KIF1A: variants seen among roughly 807,000 people sequenced by gnomAD.
KIF1A encodes kinesin-like protein KIF1A.
In KIF1A, 46 loss-of-function variants were observed where a neutral mutation model predicts 227.3. That is an observed-to-expected ratio of 0.20 (90% confidence interval 0.16 to 0.26). KIF1A has a LOEUF of 0.26. Among genes scored for constraint, KIF1A ranks in the 10% least tolerant of loss-of-function variants. The pLI, the probability that KIF1A is intolerant of heterozygous loss-of-function variation, is 1.00. For missense variants in KIF1A, 1,683 were observed against 2,485.9 expected (o/e 0.68, Z 6.87); for synonymous variants, 1,022 against 1,012.8 (o/e 1.01, Z -0.17).
chr2:240,731,427 C>T (rs2046585561), intron 38 of KIF1A, among the ~76,000 whole-genome samples: 1 of 152,218 alleles, frequency 6.6e-6, no homozygotes, highest in Non-Finnish European at 1.5e-5. Context: ...CGCTGGGCTG[C>T]AGCCGCTGAC....
In KIF1A at chr2:240,769,274, C is replaced by T. The variant is rs1041367163; in HGVS notation, c.1422-66G>A. On this transcript the variant is annotated intron_variant, in intron 16 of 48. Coordinates refer to ENST00000498729, the MANE Select transcript of KIF1A (RefSeq NM_001244008.2). ...CTTCCAGCACTGGCCTCAGCCCTGG[C>T]TGACCAATGGGGGCAGCGGGCCTGT... 5.6e-6 allele frequency: 8 copies of T among 1,431,930 alleles called. No homozygotes were observed. In the African/African-American group the frequency reaches 7.0e-5, roughly 13 times the overall value. The allele number at this position is 1,431,930 out of a possible 1,614,324, so 88.7% of individuals were successfully genotyped here.
intron 38 of KIF1A, among the ~76,000 whole-genome samples, chr2:240,735,405 G>A (rs181067226): frequency 3.9e-4 from 60 of 152,256 alleles, no homozygotes; most frequent in East Asian, 5.8e-4. Context: ...TCCCTCCTAC[G>A]TCACCCATGG....
Position 240,789,856 on chromosome 2 carries a change from C to T in KIF1A, c.107-544G>A, listed in dbSNP as rs868621525. The stretch of plus-strand genomic sequence containing the variant: ...CTGCCAGAGTCCCTCCTCCCCCTCC[C>T]TCCTCCACCCAACTTCAAGCCCAGT... On this transcript the variant is annotated intron_variant, in intron 2 of 48. Coordinates refer to ENST00000498729, the MANE Select transcript of KIF1A (RefSeq NM_001244008.2). This position sits in a 1 kb window ranked among gnomAD's most constrained non-coding sequence, Gnocchi z 4.8. Among the ~76,000 whole-genome samples the T allele has an allele frequency of 1.1e-4, 17 of 152,202 alleles. No homozygotes were observed. Among genetic ancestry groups the T allele is most frequent in the African/African-American group, 3.9e-4 (16 of 41,448 alleles).
chr2:240,758,263 G>T lies in KIF1A; in HGVS notation c.2582+97C>A. On this transcript the variant is annotated intron_variant, in intron 26 of 48. Transcript: ENST00000498729. This position sits in a 1 kb window ranked among gnomAD's most constrained non-coding sequence, Gnocchi z 5.2. ...ATGGGGCTGGAAAAGCACTTGTCAG[G>T]GCCGCTCCTTGTATCAGGCCAGGGC... 1 of 1,389,802 alleles carries T rather than the reference G, an allele frequency of 7.2e-7. No individual in the cohort carries two copies. Among genetic ancestry groups the T allele is most frequent in the Non-Finnish European group, 9.7e-7 (1 of 1,033,324 alleles). 86.1% of individuals were successfully genotyped at this position (1,389,802 alleles called of 1,614,324 possible).
rs2045573907 is a variant in KIF1A, at chr2:240,722,887, C to T, written c.4465-231G>A. ...CCAGCCCTGCCACCTTCATGGGCAG[C>T]AAGCAAGCTGCTCCTCTCAGACACA... On this transcript the variant is annotated intron_variant, in intron 42 of 48. Transcript: ENST00000498729. Among the ~76,000 whole-genome samples, 4 of 152,214 alleles carry T rather than the reference C, an allele frequency of 2.6e-5. No individual in the cohort carries two copies. The South Asian group carries it at 8.3e-4, about 32-fold the overall frequency.
At chr2:240,767,481 G>A in intron 17 of KIF1A, 136 bp from the exon 18 acceptor site, 1 of 699,530 alleles carries the variant, frequency 1.4e-6, no homozygotes, top group East Asian at 2.7e-5. Flanking sequence ...GTGCCACCAG[G>A]CTGGTCACTC....
At chr2:240,801,667 G>T (rs2056981070) in intron 1 of KIF1A, among the ~76,000 whole-genome samples, 1 of 152,108 alleles carries the variant, frequency 6.6e-6, no homozygotes, top group Admixed American at 6.5e-5. Flanking sequence ...AGGTGATTAG[G>T]TCATGAGGGT....
In KIF1A at chr2:240,769,202, G is replaced by A. The variant is rs1485577842; in HGVS notation, c.1428C>T (p.Ala476=). ...RTEAIRMERE[A]LLAEMGVAMR... is the part of the protein sequence containing the mutation. ...TGGCCACACCCATCTCGGCCAGCAG[G>A]GCTTCCCTGGGGGAACAGAGCTGAG... Residue 476 remains alanine (A), a synonymous_variant, in exon 17 of 49, where the codon GCC becomes GCT. Transcript: ENST00000498729. The A allele has an allele frequency of 2.5e-6, 4 of 1,608,466 alleles. No individual in the cohort carries two copies. The highest frequency in any genetic ancestry group is 1.3e-5 in the African/African-American group (1 of 74,902).
intron 9 of KIF1A, 53 bp from the exon 10 acceptor site, chr2:240,782,660 G>T: frequency 6.5e-7 from 1 of 1,544,162 alleles, no homozygotes; most frequent in Non-Finnish European, 8.8e-7. Flanking sequence ...GCTGGCGCGG[G>T]CTGTGGGGGC....
chr2:240,815,165 C>A (rs1016564430), intron 1 of KIF1A, among the ~76,000 whole-genome samples: 2 of 152,198 alleles, frequency 1.3e-5, no homozygotes, highest in Non-Finnish European at 2.9e-5. Context: ...CACCAAGCAA[C>A]TGAGTACAGT....
chr2:240,743,103 C>A, intron 33 of KIF1A, 119 bp from the exon 34 acceptor site: 1 of 746,624 alleles, frequency 1.3e-6, no homozygotes, highest in Non-Finnish European at 2.1e-6. Flanking sequence ...CTCTCTTCTC[C>A]AAGACCGTCC....
intron 38 of KIF1A, chr2:240,734,651 G>A (rs976697226): frequency 8.3e-7 from 1 of 1,211,728 alleles, no homozygotes; most frequent in African/African-American, 1.6e-5. Context: ...GGGCGGTCAG[G>A]GGAGGAGCAG....
chr2:240,763,650 C>T (rs1005553966), intron 20 of KIF1A, among the ~76,000 whole-genome samples: 26 of 152,344 alleles, frequency 1.7e-4, no homozygotes, highest in African/African-American at 6.3e-4. Flanking sequence ...GCCTCCTGCC[C>T]CCAAGCCCCT....
intron 1 of KIF1A, among the ~76,000 whole-genome samples, chr2:240,802,640 G>T (rs538670233): frequency 2.4e-4 from 36 of 152,248 alleles, no homozygotes; most frequent in African/African-American, 8.7e-4. Context: ...ACATTATTTT[G>T]TTTATTTAGT....
rs1559493171 is a variant in KIF1A at position 240,742,943 on chromosome 2, G to A, written c.3626C>T (p.Pro1209Leu). The change falls in exon 34 of 49, where the codon CCA (proline) becomes CTA (leucine). Residue 1209 changes from proline to leucine, a missense_variant. Pro to Leu is a moderately conservative substitution (Grantham distance 98). Around this residue, in one of 12 missense-constraint regions of KIF1A, gnomAD observed 759 missense variants for 1,020.2 expected, o/e 0.74. Transcript: ENST00000498729. The stretch of plus-strand genomic sequence containing the variant: ...ACCCTTCCTACCTGGCTTGGACAGT[G>A]GCATGACCCGAGGGAAGTGGCGGCG... ...PSRRHFPRVM[P>L]LSKPVPATKL... 1 of 1,611,790 alleles carries A rather than the reference G, an allele frequency of 6.2e-7. No individual in the cohort carries two copies. The highest frequency in any genetic ancestry group is 8.5e-7 in the Non-Finnish European group (1 of 1,179,022).
rs1488203846 is a variant in KIF1A at position 240,726,342 on chromosome 2, G to A, written c.4122+484C>T. Among the ~76,000 whole-genome samples, 1 of 152,210 alleles carries A rather than the reference G, an allele frequency of 6.6e-6. No individual in the cohort carries two copies. The highest frequency in any genetic ancestry group is 1.9e-4 in the East Asian group (1 of 5,198). On this transcript the variant is annotated intron_variant, in intron 39 of 48. Coordinates refer to ENST00000498729, the MANE Select transcript of KIF1A (RefSeq NM_001244008.2). This position sits in a 1 kb window ranked among gnomAD's most constrained non-coding sequence, Gnocchi z 5.2. ...AAAGCACATGGAGGATGGGTGCGGT[G>A]GCTCACACCTGTAATCCCAGCACTT...
intron 4 of KIF1A, 118 bp from the exon 5 acceptor site, chr2:240,787,434 T>G (rs2055083532): frequency 1.2e-6 from 1 of 824,310 alleles, no homozygotes; most frequent in Non-Finnish European, 2.1e-6. Flanking sequence ...AGGCCCCTCT[T>G]GCACCCTCAC....
chr2:240,757,339 G>C lies in KIF1A; in HGVS notation c.2838C>G (p.Pro946=), dbSNP rs758316163. The change falls in exon 27 of 49, where the codon CCC becomes CCG. Residue 946 remains proline (P), a synonymous_variant. Transcript: ENST00000498729. The surrounding 1 kb of genome is among the most constrained non-coding windows in gnomAD (Gnocchi z 6.2). ...CCAACCTTCCTACTAAACTGAACAG[G>C]GGGGGCCGGTCGTAAAACGGGTCCC... ...DGRDPFYDRP[P]LFSLVGRAFV... is the part of the protein sequence containing the mutation. 7.7e-6 allele frequency: 12 copies of C among 1,550,586 alleles called. No individual in the cohort carries two copies. The highest frequency in any genetic ancestry group is 3.9e-5 in the Admixed American group (2 of 50,988).
intron 10 of KIF1A, among the ~76,000 whole-genome samples, chr2:240,781,634 C>T (rs2054029628): frequency 1.3e-5 from 2 of 151,982 alleles, no homozygotes; most frequent in Admixed American, 6.5e-5. Context: ...CACCGCTCCT[C>T]ACAGTTCACT....
Sources: gnomAD v4.1 joint callset for allele counts (sites outside exome capture counted in the v4.1 genomes callset) on GRCh38, gnomAD v4.1.1 for gene constraint, gnomAD v4.1.1 regional missense constraint, Gnocchi (gnomAD v3.1) non-coding constraint, MANE v1.5 for transcripts, NCBI Gene and HGNC (gene_info 2026-07-23, HGNC 2026-07-21) for gene names.